ITGA9: variants seen among roughly 807,000 people sequenced by gnomAD.
ITGA9 encodes the protein integrin alpha-9.
ITGA9 carries 56 observed loss-of-function variants against 127.8 expected under a neutral mutation model. The observed-to-expected ratio is 0.44, with a 90% confidence interval of 0.35 to 0.55. The LOEUF (loss-of-function observed/expected upper bound fraction) is 0.55. Ranked by LOEUF, ITGA9 falls within the 20% of genes least tolerant of loss-of-function variation. The probability of loss-of-function intolerance (pLI) is 0.00; values close to 1 mark genes in which losing one functional copy is unlikely to be tolerated. For missense variants in ITGA9, 1,196 were observed against 1,347.1 expected, an observed-to-expected ratio of 0.89 and a Z score of 1.76; for synonymous variants, 508 against 514.5, an observed-to-expected ratio of 0.99 and a Z score of 0.17.
At chr3:37,454,811 C>G (rs1156287015) in intron 1 of ITGA9, among the ~76,000 whole-genome samples, 1 of 151,966 alleles carries the variant, frequency 6.6e-6, no homozygotes. Context: ...TCCCTTTTTC[C>G]CAGTATTCTT....
At chr3:37,567,281 T>A (rs1699556778) in intron 15 of ITGA9, among the ~76,000 whole-genome samples, 1 of 152,176 alleles carries the variant, frequency 6.6e-6, no homozygotes, top group African/African-American at 2.4e-5. Flanking sequence ...TGAGACTTAC[T>A]CACTATCATG....
chr3:37,501,946 G>C lies in ITGA9; in HGVS notation c.613-1232G>C, dbSNP rs375181688. On this transcript the variant is annotated intron_variant, in intron 5 of 27. Coordinates refer to ENST00000264741, the MANE Select transcript of ITGA9 (RefSeq NM_002207.3). ...CCCTGTACTCTTGGAAAACAGTGTG[G>C]TCTAGAATTTTGAAAAATGCAAAGG... Among the ~76,000 whole-genome samples, 8 of 152,300 alleles carry C rather than the reference G, an allele frequency of 5.3e-5. No homozygotes were observed. In the East Asian group the frequency reaches 1.3e-3, roughly 26 times the overall value.
chr3:37,588,327 C>G (rs940036843), intron 15 of ITGA9, among the ~76,000 whole-genome samples: 24 of 151,302 alleles, frequency 1.6e-4, no homozygotes, highest in African/African-American at 5.6e-4. Context: ...GCCCACCCCC[C>G]CACTTCCCTT....
rs537932343 is a variant in ITGA9, at chr3:37,696,674, A to G, written c.2067+12659A>G. Reference sequence around the variant, plus strand: ...AAATAGAACCCAGGCTTGAACTGCAATTCAACCAGCCCAGCATAGTTATTA... The same window carrying G: ...AAATAGAACCCAGGCTTGAACTGCAGTTCAACCAGCCCAGCATAGTTATTA... On this transcript the variant is annotated intron_variant, in intron 18 of 27. Transcript: ENST00000264741. Among the ~76,000 whole-genome samples, 16 of 152,304 alleles carry G rather than the reference A, an allele frequency of 1.1e-4. No homozygotes were observed. In the South Asian group the frequency reaches 3.3e-3, roughly 32 times the overall value.
chr3:37,489,873 A>G (rs978701530), intron 4 of ITGA9, among the ~76,000 whole-genome samples: 2 of 152,120 alleles, frequency 1.3e-5, no homozygotes, highest in African/African-American at 4.8e-5. Context: ...TTTTACTTCT[A>G]CTGAAGCGTG....
chr3:37,499,701 G>T (rs1020599463), intron 5 of ITGA9, among the ~76,000 whole-genome samples: 8 of 152,178 alleles, frequency 5.3e-5, no homozygotes, highest in Non-Finnish European at 1.2e-4. Flanking sequence ...AGGGTCGCAG[G>T]CTTGGCCCTG....
intron 15 of ITGA9, among the ~76,000 whole-genome samples, chr3:37,574,129 C>T (rs1699629720): frequency 6.6e-6 from 1 of 151,970 alleles, no homozygotes; most frequent in Admixed American, 6.5e-5. Context: ...GAAAAAAATC[C>T]ACACCAGGAG....
intron 4 of ITGA9, among the ~76,000 whole-genome samples, chr3:37,491,641 G>C (rs1250980778): frequency 2.6e-5 from 4 of 152,228 alleles, no homozygotes; most frequent in African/African-American, 9.6e-5. Flanking sequence ...GATGTTGTTT[G>C]TGGGGCAGCC....
intron 18 of ITGA9, among the ~76,000 whole-genome samples, chr3:37,705,159 A>C (rs533315588): frequency 6.6e-6 from 1 of 152,242 alleles, no homozygotes; most frequent in East Asian, 1.9e-4. Flanking sequence ...CAGCAAAGTT[A>C]TGTGTTAACA....
At chr3:37,529,611 C>T (rs370777144) in intron 13 of ITGA9, among the ~76,000 whole-genome samples, 4 of 152,198 alleles carry the variant, frequency 2.6e-5, no homozygotes, top group East Asian at 3.9e-4. Flanking sequence ...AGGCCAAGAA[C>T]GTCTTTGAGC....
chr3:37,533,575 C>T, intron 14 of ITGA9, 107 bp downstream of exon 14: 1 of 1,105,030 alleles, frequency 9.0e-7, no homozygotes, highest in Non-Finnish European at 1.3e-6. Context: ...GTTTTGCAGG[C>T]AGCAGGCACA....
intron 4 of ITGA9, among the ~76,000 whole-genome samples, chr3:37,488,345 A>G (rs1382253249): frequency 6.6e-6 from 1 of 151,974 alleles, no homozygotes; most frequent in East Asian, 1.9e-4. Context: ...CTGAGAGTAG[A>G]GCATGACATA....
In ITGA9 at chr3:37,452,929, C is replaced by G. The variant is rs947055966; in HGVS notation, c.185+370C>G. ...TCTGCCTCCGGGCGGCCGCCGCTGG[C>G]CCAGCGAGCCTCCTGAACCTCGCAG... On this transcript the variant is annotated intron_variant, in intron 1 of 27. Coordinates refer to ENST00000264741, the MANE Select transcript of ITGA9 (RefSeq NM_002207.3). The surrounding 1 kb of genome is among the most constrained non-coding windows in gnomAD (Gnocchi z 7.3). Among the ~76,000 whole-genome samples the G allele has an allele frequency of 5.3e-5, 8 of 152,200 alleles. No homozygotes were observed. The highest frequency in any genetic ancestry group is 1.9e-4 in the African/African-American group (8 of 41,464).
chr3:37,822,314 T>C lies in ITGA9; in HGVS notation c.*3325T>C, dbSNP rs998690616. ...TAAAAATGGAGTAAAACAGTGCCCC[T>C]TTTTTAAAAAAAGTTTTGCTTATGC... On this transcript the variant is annotated 3_prime_UTR_variant, in exon 28 of 28. Coordinates refer to ENST00000264741, the MANE Select transcript of ITGA9 (RefSeq NM_002207.3). 16 of 152,160 alleles carry C rather than the reference T, an allele frequency of 1.1e-4. No individual in the cohort carries two copies. The highest frequency in any genetic ancestry group is 2.1e-4 in the Non-Finnish European group (14 of 68,024). The allele number at this position is 152,160 out of a possible 1,614,324, so 9.4% of individuals were successfully genotyped here.
At chr3:37,562,983 T>G (rs1699509183) in intron 15 of ITGA9, among the ~76,000 whole-genome samples, 1 of 135,902 alleles carries the variant, frequency 7.4e-6, no homozygotes, top group African/African-American at 2.5e-5. Context: ...ATGCTTGGCA[T>G]CAGGAACTAT....
intron 18 of ITGA9, among the ~76,000 whole-genome samples, chr3:37,717,636 C>T (rs1404962569): frequency 6.6e-6 from 1 of 152,124 alleles, no homozygotes; most frequent in African/African-American, 2.4e-5. Context: ...CTCATGAGAA[C>T]TCACTCACTA....
intron 15 of ITGA9, among the ~76,000 whole-genome samples, chr3:37,618,046 T>G (rs1002781264): frequency 2.0e-5 from 3 of 152,260 alleles, no homozygotes; most frequent in Admixed American, 6.5e-5. Flanking sequence ...CTCTCATTTT[T>G]AGAGTTTCCA....
chr3:37,504,008 A>G (rs1207028893), intron 6 of ITGA9, among the ~76,000 whole-genome samples: 1 of 152,220 alleles, frequency 6.6e-6, no homozygotes, highest in Non-Finnish European at 1.5e-5. Context: ...TAATGATGAC[A>G]CACAATGCTC....
chr3:37,452,592 C>G lies in ITGA9; in HGVS notation c.185+33C>G, dbSNP rs747988950. ...CCCGCCCGACTCCGCGACCCTGGCC[C>G]GCGCGGCCACCGCCCCGGCCCCCAG... On this transcript the variant is annotated intron_variant, in intron 1 of 27. Coordinates refer to ENST00000264741, the MANE Select transcript of ITGA9 (RefSeq NM_002207.3). The surrounding 1 kb of genome is among the most constrained non-coding windows in gnomAD (Gnocchi z 7.3). The G allele has an allele frequency of 2.0e-6, 3 of 1,482,000 alleles. No individual in the cohort carries two copies. The highest frequency in any genetic ancestry group is 1.3e-5 in the South Asian group (1 of 79,038). The allele number at this position is 1,482,000 out of a possible 1,614,324, so 91.8% of individuals were successfully genotyped here.
Sources: gnomAD v4.1 joint callset for allele counts (sites outside exome capture counted in the v4.1 genomes callset) on GRCh38, gnomAD v4.1.1 for gene constraint, Gnocchi (gnomAD v3.1) non-coding constraint, MANE v1.5 for transcripts, NCBI Gene and HGNC (gene_info 2026-07-23, HGNC 2026-07-21) for gene names.